The following ANKS1B variants were observed in gnomAD, a reference collection of about 807,000 sequenced individuals.
ANKS1B encodes the protein ankyrin repeat and sterile alpha motif domain containing 1B, also known as ankyrin repeat and sterile alpha motif domain-containing protein 1B.
A neutral mutation model predicts 148.3 loss-of-function variants in ANKS1B; 36 were observed. The observed-to-expected ratio is 0.24, with a 90% CI of 0.19 to 0.32. The LOEUF (loss-of-function observed/expected upper bound fraction) is 0.32. Ranked by LOEUF, ANKS1B falls within the 10% of genes least tolerant of loss-of-function variation. The probability of loss-of-function intolerance (pLI) is 1.00; values close to 1 mark genes in which losing one functional copy is unlikely to be tolerated. For missense variants in ANKS1B, 1,157 were observed against 1,542.6 expected (o/e 0.75, Z 4.19); for synonymous variants, 542 against 560.8 (o/e 0.97, Z 0.47).
intron 8 of ANKS1B, among the ~76,000 whole-genome samples, chr12:99,742,065 C>T (rs950088179): frequency 6.6e-6 from 1 of 151,568 alleles, no homozygotes; most frequent in Non-Finnish European, 1.5e-5. Context: ...AACACATGGA[C>T]ACATACAGCG....
intron 11 of ANKS1B, among the ~76,000 whole-genome samples, chr12:99,413,098 G>A (rs1819751773): frequency 6.6e-6 from 1 of 152,162 alleles, no homozygotes; most frequent in Non-Finnish European, 1.5e-5. Flanking sequence ...AGTTAAAGAA[G>A]TCGTGAGTGA....
intron 9 of ANKS1B, among the ~76,000 whole-genome samples, chr12:99,635,924 A>T (rs2098230497): frequency 6.6e-6 from 1 of 152,084 alleles, no homozygotes; most frequent in South Asian, 2.1e-4. Context: ...AAAATAAATA[A>T]AACTATACGA....
intron 17 of ANKS1B, among the ~76,000 whole-genome samples, chr12:98,995,469 G>T (rs2099928983): frequency 6.6e-6 from 1 of 152,100 alleles, no homozygotes; most frequent in Admixed American, 6.6e-5. Context: ...AGTAAACTCT[G>T]TGTAAGAACG....
chr12:99,768,728 A>G (rs1238513504), intron 8 of ANKS1B, among the ~76,000 whole-genome samples: 2 of 146,288 alleles, frequency 1.4e-5, no homozygotes, highest in Non-Finnish European at 1.5e-5. Flanking sequence ...CAGGAGGCTG[A>G]GGCAGGGGAA....
chr12:98,828,472 C>A (rs1015483831), intron 19 of ANKS1B, among the ~76,000 whole-genome samples: 1 of 152,218 alleles, frequency 6.6e-6, no homozygotes, highest in Non-Finnish European at 1.5e-5. Flanking sequence ...CAATGGTTGA[C>A]AACAAATCCA....
chr12:99,090,313 C>T (rs552712423), intron 15 of ANKS1B, among the ~76,000 whole-genome samples: 4 of 152,074 alleles, frequency 2.6e-5, no homozygotes, highest in African/African-American at 9.7e-5. Context: ...AGCAAGCTTT[C>T]CTTCATATTA....
intron 15 of ANKS1B, among the ~76,000 whole-genome samples, chr12:99,146,277 A>G (rs2073049491): frequency 6.6e-6 from 1 of 152,144 alleles, no homozygotes; most frequent in Admixed American, 6.5e-5. Context: ...TGAATAGATA[A>G]AAGAACTGTG....
intron 14 of ANKS1B, among the ~76,000 whole-genome samples, chr12:99,174,913 T>C (rs2078204084): frequency 6.6e-6 from 1 of 152,168 alleles, no homozygotes; most frequent in Non-Finnish European, 1.5e-5. Flanking sequence ...AATATTTTAT[T>C]CTCTCTATAA....
chr12:98,944,447 A>G lies in ANKS1B; in HGVS notation c.2778+108710T>C, dbSNP rs2099842051. On this transcript the variant is annotated intron_variant, in intron 17 of 26. Transcript: ENST00000683438. ...ATGCTTCCTGTATAGCTTTAGAACC[A>G]TAAGCCAAAATAAATCTCTTTTCTT... 2.6e-5 allele frequency among the ~76,000 whole-genome samples: 4 copies of G among 152,286 alleles called. No homozygotes were observed. The South Asian group carries it at 8.3e-4, about 32-fold the overall frequency.
intron 9 of ANKS1B, among the ~76,000 whole-genome samples, chr12:99,602,470 T>C (rs552426971): frequency 6.6e-6 from 1 of 152,170 alleles, no homozygotes; most frequent in East Asian, 1.9e-4. Context: ...ATCCATAAAC[T>C]CATTCCTGAG....
At chr12:99,610,328 C>A (rs985751760) in intron 9 of ANKS1B, among the ~76,000 whole-genome samples, 7 of 152,000 alleles carry the variant, frequency 4.6e-5, no homozygotes, top group African/African-American at 1.4e-4. Context: ...CCTCATTCTT[C>A]CTGACCTCTC....
At chr12:99,311,656 C>T (rs2083189997) in intron 12 of ANKS1B, among the ~76,000 whole-genome samples, 1 of 152,230 alleles carries the variant, frequency 6.6e-6, no homozygotes, top group Non-Finnish European at 1.5e-5. Context: ...TAATAATCTA[C>T]ATTTTAAAGA....
chr12:99,636,473 C>T (rs1486861810), intron 9 of ANKS1B, among the ~76,000 whole-genome samples: 1 of 152,150 alleles, frequency 6.6e-6, no homozygotes, highest in East Asian at 1.9e-4. Context: ...TTATCTGACA[C>T]ATAGATTTTC....
intron 15 of ANKS1B, chr12:99,099,810 C>G (rs907732833): frequency 1.3e-5 from 2 of 151,920 alleles, no homozygotes; most frequent in African/African-American, 4.8e-5. Context: ...AAATAGTAAA[C>G]AAAAAACACC....
At chr12:99,906,092 G>A (rs142135232) in intron 1 of ANKS1B, among the ~76,000 whole-genome samples, 114 of 152,222 alleles carry the variant, frequency 7.5e-4, no homozygotes, top group African/African-American at 2.5e-3. Flanking sequence ...ATCGATTATG[G>A]GGTATGTTAC....
rs565964639 is a variant in ANKS1B, at chr12:99,328,784, G to C, written c.1756+70847C>G. Among the ~76,000 whole-genome samples, 7 of 151,962 alleles carry C rather than the reference G, an allele frequency of 4.6e-5. No homozygotes were observed. In the East Asian group the frequency reaches 1.4e-3, roughly 29 times the overall value. On this transcript the variant is annotated intron_variant, in intron 12 of 26. Coordinates refer to ENST00000683438, the MANE Select transcript of ANKS1B (RefSeq NM_001352186.2). ...ATTAAGAAATATAATAATCAAATTT[G>C]AACCAGAATTGACAGATGTTAGAAT...
chr12:99,084,390 C>A (rs539195807), intron 16 of ANKS1B, among the ~76,000 whole-genome samples: 1 of 152,154 alleles, frequency 6.6e-6, no homozygotes, highest in South Asian at 2.1e-4. Flanking sequence ...TCCCTGGTGG[C>A]CAGCAGTGTT....
chr12:99,434,832 C>A (rs948015635), intron 11 of ANKS1B, among the ~76,000 whole-genome samples: 1 of 152,102 alleles, frequency 6.6e-6, no homozygotes, highest in African/African-American at 2.4e-5. Flanking sequence ...CTGAGCCAAA[C>A]AATGACACCC....
In ANKS1B at chr12:99,984,264, T is replaced by C; in HGVS notation, c.-27A>G. The C allele has an allele frequency of 6.3e-7, 1 of 1,594,418 alleles. No individual in the cohort carries two copies. Among genetic ancestry groups the C allele is most frequent in the East Asian group, 2.2e-5 (1 of 44,494 alleles). ...GTCTCTCACCGACTCCCCCACAGAG[T>C]CCTTGCCCCCCTCGGGTCCTCCTCC... On this transcript the variant is annotated 5_prime_UTR_variant, in exon 1 of 27. Coordinates refer to ENST00000683438, the MANE Select transcript of ANKS1B (RefSeq NM_001352186.2).
Sources: allele counts gnomAD v4.1 joint callset (sites outside exome capture counted in the v4.1 genomes callset), GRCh38; gene constraint gnomAD v4.1.1; transcripts MANE v1.5; gene names NCBI Gene and HGNC (gene_info 2026-07-23, HGNC 2026-07-21).